RBKS: variants seen among roughly 807,000 people sequenced by gnomAD.
RBKS encodes ribokinase.
In RBKS, 33 loss-of-function variants were observed where a neutral mutation model predicts 33.9. The ratio of observed to expected loss-of-function variants is 0.97; its 90% CI spans 0.74 to 1.30. RBKS has a LOEUF of 1.30. Ranked by LOEUF, RBKS falls within the 50% of genes most tolerant of loss-of-function variation. RBKS has a pLI of 0.00. For synonymous variants in RBKS, 125 were observed against 143.0 expected (o/e 0.87, Z 0.90); for missense variants, 361 against 392.6 (o/e 0.92, Z 0.68).
At chr2:27,789,951 A>ATATATATATATATATATG (rs1558533091) in intron 7 of RBKS, among the ~76,000 whole-genome samples, 1 of 111,400 alleles carries the variant, frequency 9.0e-6, no homozygotes, top group Non-Finnish European at 1.9e-5. Flanking sequence ...GTATATGTGT[A>ATATATATATATATATATG]TATATATATA....
rs1286238218 is a variant in RBKS, at chr2:27,843,220, T to A, written c.361A>T (p.Ile121Phe). 1 of 1,608,234 alleles carries A rather than the reference T, an allele frequency of 6.2e-7. No individual in the cohort carries two copies. The stretch of plus-strand genomic sequence containing the variant: ...AAATTTGCTCCAGCCACTATGACAA[T>A]GATATTCTGGCCTATAAAGAAATTC... ...IIVNNEGQNI[I>F]VIVAGANLLL... The change falls in exon 5 of 8, where the codon ATT becomes TTT. Residue 121 changes from isoleucine (I) to phenylalanine (F), a missense_variant. By Grantham distance (21) the Ile-to-Phe change is conservative. Transcript: ENST00000302188.
intron 5 of RBKS, among the ~76,000 whole-genome samples, chr2:27,833,162 G>C (rs1678456231): frequency 6.6e-6 from 1 of 152,122 alleles, no homozygotes; most frequent in African/African-American, 2.4e-5. Context: ...TTAAGTGCTT[G>C]GTTTCAAGGC....
chr2:27,790,398 G>A (rs1434276431), intron 7 of RBKS, among the ~76,000 whole-genome samples: 1 of 152,108 alleles, frequency 6.6e-6, no homozygotes, highest in African/African-American at 2.4e-5. Flanking sequence ...GTGCTAGGCA[G>A]ATTTCTTAGG....
intron 5 of RBKS, among the ~76,000 whole-genome samples, 161 bp from the exon 6 acceptor site, chr2:27,832,938 C>T (rs1310005661): frequency 1.3e-5 from 2 of 152,198 alleles, no homozygotes; most frequent in Admixed American, 6.5e-5. Context: ...AAATCTCAAT[C>T]TTCACGACAG....
chr2:27,889,577 C>T (rs1664659777), intron 1 of RBKS, among the ~76,000 whole-genome samples: 1 of 152,084 alleles, frequency 6.6e-6, no homozygotes, highest in African/African-American at 2.4e-5. Context: ...ATCTTACTGA[C>T]CTAACTCAAC....
At chr2:27,872,487 A>G (rs1297696726) in intron 1 of RBKS, among the ~76,000 whole-genome samples, 1 of 152,230 alleles carries the variant, frequency 6.6e-6, no homozygotes, top group East Asian at 1.9e-4. Flanking sequence ...ACAAACCTGG[A>G]TAGCTTTATC....
At chr2:27,792,272 T>G (rs1677544499) in intron 7 of RBKS, among the ~76,000 whole-genome samples, 1 of 152,240 alleles carries the variant, frequency 6.6e-6, no homozygotes, top group Non-Finnish European at 1.5e-5. Context: ...GACCTGTATG[T>G]GAATCTTGGC....
chr2:27,847,618 C>T (rs1663646223), intron 3 of RBKS, among the ~76,000 whole-genome samples: 1 of 152,202 alleles, frequency 6.6e-6, no homozygotes, highest in African/African-American at 2.4e-5. Context: ...TCATTCTAGT[C>T]CTGGCTCTAG....
intron 2 of RBKS, among the ~76,000 whole-genome samples, chr2:27,851,691 A>G (rs990814161): frequency 5.9e-5 from 9 of 152,092 alleles, no homozygotes; most frequent in African/African-American, 1.7e-4. Flanking sequence ...GGTGTGCACC[A>G]TCACACCTGG....
rs975580654 is a variant in RBKS, at chr2:27,815,204, GT to G, written c.795+12362del. 3.7e-4 allele frequency among the ~76,000 whole-genome samples: 56 copies of G among 152,004 alleles called. 1 individual carries two copies. Among genetic ancestry groups the G allele is most frequent in the Admixed American group, 9.8e-4 (15 of 15,256 alleles). On this transcript the variant is annotated intron_variant, in intron 7 of 7. Coordinates refer to ENST00000302188, the MANE Select transcript of RBKS (RefSeq NM_022128.3). Reference sequence around the variant, plus strand: ...GGGCTCTATGGTTTGGCTCTAGGTGGTTTTTTTTCCCCCCTCTTTTTGAGAC... The same window carrying G: ...GGGCTCTATGGTTTGGCTCTAGGTGGTTTTTTTCCCCCCTCTTTTTGAGAC...
chr2:27,832,548 G>A (rs1056806096), intron 6 of RBKS, 138 bp downstream of exon 6: 10 of 665,906 alleles, frequency 1.5e-5, no homozygotes, highest in South Asian at 8.2e-5. Context: ...CCACACCCCG[G>A]TAAACTGAAA....
In RBKS at chr2:27,889,871, C is replaced by T. The variant is rs369196820; in HGVS notation, c.89+386G>A. The T allele has an allele frequency of 5.6e-5, 11 of 196,186 alleles. 1 individual carries two copies. The highest frequency in any genetic ancestry group is 2.6e-4 in the African/African-American group (11 of 43,096). 12.2% of individuals were successfully genotyped at this position (196,186 alleles called of 1,614,324 possible). A position where few individuals can be genotyped will look rare whatever the true frequency, so the allele number is the denominator to read the frequency against. Reference sequence around the variant, plus strand: ...TACTTCATTTAGTCCTCACAACAACCCTGTGAGGTAGGCACATTCTCGGAG... The same window carrying T: ...TACTTCATTTAGTCCTCACAACAACTCTGTGAGGTAGGCACATTCTCGGAG... On this transcript the variant is annotated intron_variant, in intron 1 of 7. Coordinates refer to ENST00000302188, the MANE Select transcript of RBKS (RefSeq NM_022128.3).
rs765452244 is a variant in RBKS, at chr2:27,848,048, TTC to T, written c.270_271del (p.Asn91Ter). On this transcript the variant is annotated frameshift_variant, in exon 3 of 8. Coordinates refer to ENST00000302188, the MANE Select transcript of RBKS (RefSeq NM_022128.3). LOFTEE classifies it high-confidence loss of function. ...GGGAATTTTACCTGTAGAAATATCA[TTC>T]TGTTTTAAGTTTTCTATATAATCAT... The T allele has an allele frequency of 8.7e-6, 13 of 1,491,180 alleles. 1 individual carries two copies. Among genetic ancestry groups the T allele is most frequent in the Middle Eastern group, 3.4e-4 (2 of 5,830 alleles). 92.4% of individuals were successfully genotyped at this position (1,491,180 alleles called of 1,614,324 possible). A position where few individuals can be genotyped will look rare whatever the true frequency, so the allele number is the denominator to read the frequency against.
At chr2:27,888,525 G>C (rs1447672501) in intron 1 of RBKS, among the ~76,000 whole-genome samples, 2 of 152,184 alleles carry the variant, frequency 1.3e-5, no homozygotes, top group Non-Finnish European at 2.9e-5. Context: ...TTAGATGAAG[G>C]TTTATTCCTT....
At chr2:27,842,414 G>C (rs1459235505) in intron 5 of RBKS, among the ~76,000 whole-genome samples, 1 of 152,112 alleles carries the variant, frequency 6.6e-6, no homozygotes, top group Non-Finnish European at 1.5e-5. Context: ...TGATAACATA[G>C]AAAATATTAC....
At chr2:27,845,556 A>G (rs1415697970) in intron 4 of RBKS, among the ~76,000 whole-genome samples, 5 of 152,042 alleles carry the variant, frequency 3.3e-5, no homozygotes, top group East Asian at 3.9e-4. Context: ...AACAACAACA[A>G]AAGAGGTTTA....
chr2:27,784,546 A>C (rs1677362956), intron 7 of RBKS, among the ~76,000 whole-genome samples: 1 of 152,174 alleles, frequency 6.6e-6, no homozygotes, highest in African/African-American at 2.4e-5. Flanking sequence ...GGTTTGAAGA[A>C]AGCGCCCCCC....
At chr2:27,870,533 ACCT>A (rs1392458876) in intron 1 of RBKS, 2 of 317,080 alleles carry the variant, frequency 6.3e-6, no homozygotes, top group Non-Finnish European at 1.3e-5. Context: ...CACTGCACCC[ACCT>A]CCTCACAGAG....
intron 1 of RBKS, among the ~76,000 whole-genome samples, chr2:27,875,843 C>T (rs1051766419): frequency 2.6e-5 from 4 of 152,074 alleles, no homozygotes; most frequent in African/African-American, 9.7e-5. Context: ...ACACATTTTT[C>T]CTCTTGCACA....
Sources: gnomAD v4.1 joint callset for allele counts (sites outside exome capture counted in the v4.1 genomes callset) on GRCh38, gnomAD v4.1.1 for gene constraint, MANE v1.5 for transcripts, NCBI Gene and HGNC (gene_info 2026-07-23, HGNC 2026-07-21) for gene names.